Variants in PSMA8 observed in about 807,000 individuals in gnomAD.
The protein encoded by PSMA8 is proteasome 20S subunit alpha 8.
In PSMA8, 18 loss-of-function variants were observed where a neutral mutation model predicts 32.4. That is an observed-to-expected ratio of 0.56 (90% CI 0.38 to 0.82). The LOEUF (loss-of-function observed/expected upper bound fraction) is 0.82. Among genes scored for constraint, PSMA8 ranks in the 40% least tolerant of loss-of-function variants. PSMA8 has a pLI of 0.00. For synonymous variants in PSMA8, 104 were observed against 98.1 expected, an observed-to-expected ratio of 1.06 and a Z score of -0.36; for missense variants, 298 against 300.7, an observed-to-expected ratio of 0.99 and a Z score of 0.07.
intron 4 of PSMA8, among the ~76,000 whole-genome samples, chr18:26,162,781 G>A (rs1325298385): frequency 6.6e-6 from 1 of 152,068 alleles, no homozygotes; most frequent in Admixed American, 6.6e-5. Flanking sequence ...CAGGAGAATG[G>A]TGTGAACCCA....
chr18:26,142,452 T>A (rs1023366923), intron 1 of PSMA8, among the ~76,000 whole-genome samples: 1 of 152,172 alleles, frequency 6.6e-6, no homozygotes, highest in Non-Finnish European at 1.5e-5. Flanking sequence ...TTCTAAACTT[T>A]CCTCTAAAAA....
chr18:26,162,213 G>A (rs781748285), intron 4 of PSMA8, among the ~76,000 whole-genome samples: 68 of 152,144 alleles, frequency 4.5e-4, no homozygotes, highest in South Asian at 1.2e-3. Flanking sequence ...TATACAGTAC[G>A]TTATTAATAA....
chr18:26,169,415 C>T (rs1248359116), intron 4 of PSMA8, among the ~76,000 whole-genome samples: 1 of 132,102 alleles, frequency 7.6e-6, no homozygotes, highest in Non-Finnish European at 1.5e-5. Context: ...TTACTACATG[C>T]AACCCTTTGG....
chr18:26,192,277 G>A (rs370304946), intron 6 of PSMA8, 42 bp from the exon 7 acceptor site: 46 of 1,360,690 alleles, frequency 3.4e-5, no homozygotes, highest in African/African-American at 1.1e-4. Flanking sequence ...CATATTATTC[G>A]TATAACTGAC....
chr18:26,178,861 T>C lies in PSMA8; in HGVS notation c.509T>C (p.Val170Ala), dbSNP rs780117746. ...ANAIGRSAKTVREFLEKNYTE... is the reference protein window; with the variant it reads ...ANAIGRSAKTAREFLEKNYTE... ...GCAATAGGCCGAAGTGCTAAAACTG[T>C]TCGAGAATTTCTAGAAAAGAATTAC... The change falls in exon 5 of 7, where the codon GTT becomes GCT. Residue 170 changes from valine (V) to alanine (A), a missense_variant. Physicochemically the swap from Val to Ala is moderately conservative, Grantham distance 64. Coordinates refer to ENST00000415576, the MANE Select transcript of PSMA8 (RefSeq NM_001025096.2). 6.8e-6 allele frequency: 11 copies of C among 1,613,598 alleles called. No individual in the cohort carries two copies. The African/African-American group carries it at 1.5e-4, about 22-fold the overall frequency.
At chr18:26,170,507 G>C (rs1226667020) in intron 4 of PSMA8, among the ~76,000 whole-genome samples, 1 of 130,736 alleles carries the variant, frequency 7.6e-6, no homozygotes, top group Non-Finnish European at 1.5e-5. Context: ...ACTATAGCAG[G>C]TGCTGGGGAC....
At chr18:26,156,147 TAAC>T (rs1275223906) in intron 3 of PSMA8, among the ~76,000 whole-genome samples, 3 of 151,988 alleles carry the variant, frequency 2.0e-5, no homozygotes, top group Admixed American at 1.3e-4. Context: ...AGACAAAAAA[TAAC>T]AAATGCTGGC....
intron 6 of PSMA8, among the ~76,000 whole-genome samples, chr18:26,191,207 T>C (rs2055399616): frequency 1.3e-5 from 2 of 152,230 alleles, no homozygotes; most frequent in South Asian, 2.1e-4. Context: ...ATCTCTAATA[T>C]CTTTGAAAAT....
Position 26,187,180 on chromosome 18 carries a change from A to G in PSMA8, c.661-5139A>G, listed in dbSNP as rs1407659007. 2.0e-5 allele frequency among the ~76,000 whole-genome samples: 3 copies of G among 152,280 alleles called. No individual in the cohort carries two copies. In the South Asian group the frequency reaches 6.2e-4, roughly 32 times the overall value. On this transcript the variant is annotated intron_variant, in intron 6 of 6. Transcript: ENST00000415576. ...GCCAACATGGTGAAAACCCATCTCT[A>G]CTAAAAATACAAAAAATTAGCCGGG...
intron 4 of PSMA8, among the ~76,000 whole-genome samples, chr18:26,163,216 TA>T (rs2055150046): frequency 1.8e-3 from 8 of 4,488 alleles, no homozygotes; most frequent in African/African-American, 4.1e-3. Flanking sequence ...TGTGTGTGTA[TA>T]TATATATATA....
At chr18:26,144,733 G>T in intron 2 of PSMA8, 48 bp downstream of exon 2, 2 of 1,586,218 alleles carry the variant, frequency 1.3e-6, no homozygotes, top group South Asian at 2.2e-5. Context: ...ACTGTAGTAG[G>T]GCAACACAGT....
At chr18:26,169,517 T>C (rs1348791096) in intron 4 of PSMA8, among the ~76,000 whole-genome samples, 2 of 130,156 alleles carry the variant, frequency 1.5e-5, no homozygotes, top group Non-Finnish European at 1.5e-5. Context: ...ATAAACCATG[T>C]GTGGCCTTAT....
chr18:26,133,908 C>T lies in PSMA8; in HGVS notation c.-58C>T, dbSNP rs1428516728. ...GCACGCTGTGTTGGCGGCGGCTCCC[C>T]GCTTGCCTCAGCTGCAGCAGCGGGA... On this transcript the variant is annotated 5_prime_UTR_variant, in exon 1 of 7. Transcript: ENST00000415576. 3 of 1,477,006 alleles carry T rather than the reference C, an allele frequency of 2.0e-6. No homozygotes were observed. Among genetic ancestry groups the T allele is most frequent in the African/African-American group, 2.8e-5 (2 of 72,094 alleles). The allele number at this position is 1,477,006 out of a possible 1,614,324, so 91.5% of individuals were successfully genotyped here. A position where few individuals can be genotyped will look rare whatever the true frequency, so the allele number is the denominator to read the frequency against.
intron 1 of PSMA8, among the ~76,000 whole-genome samples, chr18:26,136,700 T>G (rs553611673): frequency 2.0e-5 from 3 of 152,350 alleles, no homozygotes; most frequent in Non-Finnish European, 4.4e-5. Context: ...TGATATTTTC[T>G]TTAATTTCAG....
intron 1 of PSMA8, among the ~76,000 whole-genome samples, chr18:26,141,800 C>T (rs1470115792): frequency 6.7e-6 from 1 of 149,430 alleles, no homozygotes; most frequent in Non-Finnish European, 1.5e-5. Context: ...GATTCTCCCA[C>T]CTCAGCCTCC....
intron 4 of PSMA8, among the ~76,000 whole-genome samples, chr18:26,170,544 A>T (rs550394293): frequency 7.7e-6 from 1 of 130,316 alleles, no homozygotes; most frequent in African/African-American, 4.2e-5. Context: ...AGAAGCACTT[A>T]GTTATAGCAA....
At chr18:26,192,262 ATTT>A in intron 6 of PSMA8, 54 bp from the exon 7 acceptor site, 2 of 1,275,048 alleles carry the variant, frequency 1.6e-6, no homozygotes, top group Non-Finnish European at 2.1e-6. Context: ...TTCATATTGT[ATTT>A]ACATATTATT....
In PSMA8 at chr18:26,192,359, T is replaced by C; in HGVS notation, c.701T>C (p.Ile234Thr). Residue 234 changes from isoleucine to threonine, a missense_variant, in exon 7 of 7, where the codon ATA becomes ACA. Ile to Thr is a moderately conservative substitution (Grantham distance 89). Coordinates refer to ENST00000415576, the MANE Select transcript of PSMA8 (RefSeq NM_001025096.2). ...GAAGTTGAATTATATGTAACTGAAA[T>C]AGAAAAGGAAAAGGAAGAAGCAGAG... is the stretch of plus-strand genomic sequence containing the variant. The part of the protein sequence containing the change: ...AKEVELYVTE[I>T]EKEKEEAEKK... The C allele has an allele frequency of 1.3e-6, 2 of 1,519,366 alleles. No individual in the cohort carries two copies. The highest frequency in any genetic ancestry group is 1.7e-6 in the Non-Finnish European group (2 of 1,146,082). 94.1% of individuals were successfully genotyped at this position (1,519,366 alleles called of 1,614,324 possible).
chr18:26,178,449 A>G (rs1218513049), intron 4 of PSMA8, among the ~76,000 whole-genome samples: 1 of 152,074 alleles, frequency 6.6e-6, no homozygotes, highest in Non-Finnish European at 1.5e-5. Flanking sequence ...CAAAAAAATA[A>G]TCAGCTGAGT....
Sources: allele counts gnomAD v4.1 joint callset (sites outside exome capture counted in the v4.1 genomes callset), GRCh38; gene constraint gnomAD v4.1.1; transcripts MANE v1.5; gene names NCBI Gene and HGNC (gene_info 2026-07-23, HGNC 2026-07-21).